ATXN2: variants seen among roughly 807,000 people sequenced by gnomAD.
The protein encoded by ATXN2 is ataxin-2.
In ATXN2, 37 loss-of-function variants were observed where a neutral mutation model predicts 138.6. The ratio of observed to expected loss-of-function variants is 0.27; its 90% confidence interval spans 0.21 to 0.35. The LOEUF (loss-of-function observed/expected upper bound fraction) is 0.35, where lower values mean the gene tolerates loss of function less well. Among genes scored for constraint, ATXN2 ranks in the 10% least tolerant of loss-of-function variants. The pLI, the probability that ATXN2 is intolerant of heterozygous loss-of-function variation, is 1.00. For synonymous variants in ATXN2, 549 were observed against 543.7 expected, an observed-to-expected ratio of 1.01 and a Z score of -0.13; for missense variants, 1,216 against 1,480.3, an observed-to-expected ratio of 0.82 and a Z score of 2.93.
intron 3 of ATXN2, among the ~76,000 whole-genome samples, chr12:111,553,572 CAAAAAAAAAAAAAAAAAA>C (rs757837884): frequency 1.6e-4 from 8 of 48,926 alleles, no homozygotes; most frequent in Admixed American, 1.5e-3. Flanking sequence ...TCTTTTTTCT[CAAAAAAAAAAAAAAAAAA>C]AAAAAAAAAA....
intron 1 of ATXN2, chr12:111,565,008 A>AC (rs1882912925): frequency 6.6e-6 from 1 of 152,126 alleles, no homozygotes; most frequent in African/African-American, 2.4e-5. Context: ...CAGGCATAAG[A>AC]CACCATGCCT....
In ATXN2 at chr12:111,598,724, G is replaced by A. The variant is rs1885070301; in HGVS notation, c.251+60C>T. ...GGTCACGGGGCGGGGACGGCGGCGC[G>A]GGCCGCGGGGGAGGGGACGCCGGGC... On this transcript the variant is annotated intron_variant, in intron 1 of 24. Coordinates refer to ENST00000673436, the MANE Select transcript of ATXN2 (RefSeq NM_001372574.1). The surrounding 1 kb of genome is among the most constrained non-coding windows in gnomAD (Gnocchi z 4.5). 1.9e-6 allele frequency: 2 copies of A among 1,061,424 alleles called. No individual in the cohort carries two copies. The highest frequency in any genetic ancestry group is 2.3e-6 in the Non-Finnish European group (2 of 862,586). 65.8% of individuals were successfully genotyped at this position (1,061,424 alleles called of 1,614,324 possible).
chr12:111,582,449 A>G (rs2135832482), intron 1 of ATXN2, among the ~76,000 whole-genome samples: 1 of 152,092 alleles, frequency 6.6e-6, no homozygotes, highest in South Asian at 2.1e-4. Flanking sequence ...CTCAAAAAAA[A>G]AAAAAGAACT....
intron 1 of ATXN2, among the ~76,000 whole-genome samples, chr12:111,575,966 C>T (rs973667516): frequency 6.6e-6 from 1 of 151,942 alleles, no homozygotes; most frequent in Non-Finnish European, 1.5e-5. Context: ...CCTGTAATCC[C>T]AGCTACTTGG....
chr12:111,587,778 C>T (rs1311258388), intron 1 of ATXN2, among the ~76,000 whole-genome samples: 2 of 152,238 alleles, frequency 1.3e-5, no homozygotes, highest in East Asian at 3.9e-4. Context: ...AAATAAACCA[C>T]GTTCACTTAT....
At chr12:111,481,511 C>T (rs1254687588) in intron 18 of ATXN2, among the ~76,000 whole-genome samples, 2 of 151,750 alleles carry the variant, frequency 1.3e-5, no homozygotes, top group Non-Finnish European at 2.9e-5. Flanking sequence ...AAAGACATAT[C>T]GGTTATTTAT....
chr12:111,459,175 A>G (rs1875369059), intron 21 of ATXN2, among the ~76,000 whole-genome samples: 1 of 152,242 alleles, frequency 6.6e-6, no homozygotes, highest in Non-Finnish European at 1.5e-5. Context: ...TGTTTTTAAG[A>G]GTAGTGAACG....
At chr12:111,585,801 C>CAAAAAAA (rs761433806) in intron 1 of ATXN2, among the ~76,000 whole-genome samples, 1 of 24,800 alleles carries the variant, frequency 4.0e-5, no homozygotes, top group Non-Finnish European at 1.9e-4. Flanking sequence ...AACTCCATCT[C>CAAAAAAA]AAAAAAAAAA....
chr12:111,594,481 G>A (rs1884832386), intron 1 of ATXN2, among the ~76,000 whole-genome samples: 2 of 152,060 alleles, frequency 1.3e-5, no homozygotes, highest in South Asian at 4.1e-4. Flanking sequence ...TGGGATTACA[G>A]GCGCCTGGCT....
intron 1 of ATXN2, chr12:111,597,912 C>A: frequency 1.6e-5 from 20 of 1,276,864 alleles, no homozygotes; most frequent in Non-Finnish European, 1.8e-5. Context: ...CAGCCCTCAC[C>A]CACCGATGTT....
At chr12:111,545,067 G>A (rs1456140968) in intron 5 of ATXN2, among the ~76,000 whole-genome samples, 2 of 151,928 alleles carry the variant, frequency 1.3e-5, no homozygotes, top group Non-Finnish European at 2.9e-5. Flanking sequence ...GCTGAGGCAG[G>A]AGAATGGCGT....
intron 18 of ATXN2, 118 bp downstream of exon 18, chr12:111,485,147 A>G (rs1877546482): frequency 1.1e-6 from 1 of 876,846 alleles, no homozygotes; most frequent in Non-Finnish European, 1.8e-6. Flanking sequence ...TCAAAAGCCA[A>G]TGCATAGCCT....
chr12:111,478,328 C>G lies in ATXN2; in HGVS notation c.2524+6937G>C, dbSNP rs575703572. Among the ~76,000 whole-genome samples the G allele has an allele frequency of 5.9e-5, 9 of 152,192 alleles. No homozygotes were observed. In the South Asian group the frequency reaches 1.9e-3, roughly 32 times the overall value. On this transcript the variant is annotated intron_variant, in intron 18 of 24. Coordinates refer to ENST00000673436, the MANE Select transcript of ATXN2 (RefSeq NM_001372574.1). ...GGCTAAGGCGTAAGAATTGCTTGAACCTGGGAGGCGGAGGTTGCAGTGAGC... is the reference window on the plus strand; with the variant it reads ...GGCTAAGGCGTAAGAATTGCTTGAAGCTGGGAGGCGGAGGTTGCAGTGAGC...
intron 3 of ATXN2, among the ~76,000 whole-genome samples, 196 bp downstream of exon 3, chr12:111,553,962 C>G (rs1236474573): frequency 6.6e-6 from 1 of 152,060 alleles, no homozygotes; most frequent in Non-Finnish European, 1.5e-5. Flanking sequence ...CCCACAGATG[C>G]AGAGGACCAA....
chr12:111,478,413 A>C lies in ATXN2; in HGVS notation c.2524+6852T>G, dbSNP rs140724168. On this transcript the variant is annotated intron_variant, in intron 18 of 24. Coordinates refer to ENST00000673436, the MANE Select transcript of ATXN2 (RefSeq NM_001372574.1). Reference sequence around the variant, plus strand: ...AGAGTGAGATTCCATCAAATAAATAAATAAATAAATAAAATGGAAAAAAGA... The same window carrying C: ...AGAGTGAGATTCCATCAAATAAATACATAAATAAATAAAATGGAAAAAAGA... Among the ~76,000 whole-genome samples the C allele has an allele frequency of 5.1e-3, 782 of 152,204 alleles. 11 individuals are homozygous for C. The highest frequency in any genetic ancestry group is 0.018 in the African/African-American group (745 of 41,544).
rs746533827 is a variant in ATXN2, at chr12:111,485,827, T to C, written c.2343A>G (p.Gln781=). ...PSTTPTSPRP[Q]AQPSPSMVGH... is the part of the protein sequence containing the mutation. ...CCACCATAGATGGGCTAGGTTGTGCTTGAGGCCGAGGTGAAGTTGGGGTAG... is the reference window on the plus strand; with the variant it reads ...CCACCATAGATGGGCTAGGTTGTGCCTGAGGCCGAGGTGAAGTTGGGGTAG... The change falls in exon 17 of 25, where the codon CAA becomes CAG. Residue 781 remains glutamine (Q), a synonymous_variant. Transcript: ENST00000673436. The C allele has an allele frequency of 1.2e-6, 2 of 1,614,112 alleles. No homozygotes were observed. The highest frequency in any genetic ancestry group is 2.2e-5 in the South Asian group (2 of 91,076).
chr12:111,550,141 A>G (rs914163163), intron 5 of ATXN2, among the ~76,000 whole-genome samples: 2 of 152,164 alleles, frequency 1.3e-5, no homozygotes, highest in Non-Finnish European at 2.9e-5. Context: ...CCTCATCAAG[A>G]AAACTAATTT....
rs370677812 is a variant in ATXN2 at position 111,485,696 on chromosome 12, C to A, written c.2457+17G>T. The A allele has an allele frequency of 5.0e-5, 80 of 1,612,922 alleles. No homozygotes were observed. In the African/African-American group the frequency reaches 1.0e-3, roughly 20 times the overall value. On this transcript the variant is annotated intron_variant, in intron 17 of 24. Transcript: ENST00000673436. ...ACAATTGGGGAGGCTAAGTGAACAT[C>A]AAATTCTATGACTTACTTGCACGCC... is the stretch of plus-strand genomic sequence containing the variant.
At chr12:111,594,174 T>C (rs1884816389) in intron 1 of ATXN2, among the ~76,000 whole-genome samples, 1 of 152,208 alleles carries the variant, frequency 6.6e-6, no homozygotes, top group Non-Finnish European at 1.5e-5. Context: ...TATGTTTGCT[T>C]TATTCACTGA....
Sources: allele counts gnomAD v4.1 joint callset (sites outside exome capture counted in the v4.1 genomes callset), GRCh38; gene constraint gnomAD v4.1.1; non-coding constraint Gnocchi (gnomAD v3.1); transcripts MANE v1.5; gene names NCBI Gene and HGNC (gene_info 2026-07-23, HGNC 2026-07-21).